The following KNTC1 variants were observed in gnomAD, a reference collection of about 807,000 sequenced individuals.
KNTC1 encodes the protein kinetochore associated 1.
A neutral mutation model predicts 314.4 loss-of-function variants in KNTC1; 253 were observed. That is an observed-to-expected ratio of 0.80 (90% CI 0.73 to 0.89). The LOEUF (loss-of-function observed/expected upper bound fraction) is 0.89, where lower values mean the gene tolerates loss of function less well. Among genes scored for constraint, KNTC1 ranks in the 40% least tolerant of loss-of-function variants. KNTC1 has a pLI of 0.00. For missense variants in KNTC1, 2,475 were observed against 2,572.9 expected, an observed-to-expected ratio of 0.96 and a Z score of 0.82; for synonymous variants, 901 against 901.4, an observed-to-expected ratio of 1.00 and a Z score of 0.01.
At position 122,604,628 on chromosome 12, in the gene KNTC1, C is replaced by T. The variant is rs1483322179; in HGVS notation, c.5166C>T (p.Ile1722=). The stretch of plus-strand genomic sequence containing the variant: ...TAGCTGAGAGATGGCTACAGAATAT[C>T]CCATCGCAGGTGTGTCTGAACTATC... ...LYLAERWLQN[I]PSQDEKREKA... The change falls in exon 49 of 64, where the codon ATC becomes ATT. Residue 1722 remains isoleucine (I), a synonymous_variant. Transcript: ENST00000333479. 5 of 1,596,382 alleles carry T rather than the reference C, an allele frequency of 3.1e-6. No individual in the cohort carries two copies. The highest frequency in any genetic ancestry group is 4.3e-6 in the Non-Finnish European group (5 of 1,164,382).
chr12:122,612,472 T>C (rs138054383), intron 53 of KNTC1, among the ~76,000 whole-genome samples: 1 of 148,304 alleles, frequency 6.7e-6, no homozygotes, highest in Non-Finnish European at 1.5e-5. Context: ...GTTGGAGTAG[T>C]GCAGTGGCGC....
At chr12:122,554,925 G>A (rs900610036) in intron 16 of KNTC1, among the ~76,000 whole-genome samples, 2 of 152,104 alleles carry the variant, frequency 1.3e-5, no homozygotes, top group Admixed American at 6.6e-5. Flanking sequence ...TGCGCCTGTA[G>A]TCCCAGCTAC....
rs370461444 is a variant in KNTC1 at position 122,534,739 on chromosome 12, T to C, written c.205T>C (p.Leu69=). 9.9e-6 allele frequency: 16 copies of C among 1,611,936 alleles called. No homozygotes were observed. Among genetic ancestry groups the C allele is most frequent in the East Asian group, 2.2e-5 (1 of 44,872 alleles). ...FIIVADQSVI[L]LDSICRSLQL... ...TATTGTAGCCGACCAATCAGTGATA[T>C]TGCTTGACAGTATTTGTAGATCACT... Residue 69 remains leucine (L), a synonymous_variant, in exon 3 of 64, where the codon TTG becomes CTG. Transcript: ENST00000333479.
At chr12:122,616,369 TCTC>T (rs879616112) in intron 57 of KNTC1, among the ~76,000 whole-genome samples, 3 of 152,024 alleles carry the variant, frequency 2.0e-5, no homozygotes, top group Non-Finnish European at 4.4e-5. Flanking sequence ...TTCACGCTAT[TCTC>T]CTGCCTCAGC....
At position 122,617,100 on chromosome 12, in the gene KNTC1, T is replaced by C. The variant is rs370007821; in HGVS notation, c.6031-1243T>C. Reference sequence around the variant, plus strand: ...TTCCATTATATGGATATACCACTTTTATTTATCCATTTGCCAGTTGATAAA... The same window carrying C: ...TTCCATTATATGGATATACCACTTTCATTTATCCATTTGCCAGTTGATAAA... On this transcript the variant is annotated intron_variant, in intron 57 of 63. Transcript: ENST00000333479. Among the ~76,000 whole-genome samples, 78 of 152,312 alleles carry C rather than the reference T, an allele frequency of 5.1e-4. 2 individuals carry two copies. The South Asian group carries it at 0.016, about 31-fold the overall frequency.
intron 30 of KNTC1, 126 bp downstream of exon 30, chr12:122,577,155 G>GGTCACGCTGGTCTCAA: frequency 1.6e-6 from 1 of 628,330 alleles, no homozygotes; most frequent in South Asian, 3.2e-5. Context: ...TCACCATGTT[G>GGTCACGCTGGTCTCAA]GTCACGCTGG....
chr12:122,577,610 A>T, intron 30 of KNTC1, 62 bp from the exon 31 acceptor site: 1 of 1,491,630 alleles, frequency 6.7e-7, no homozygotes, highest in Non-Finnish European at 9.0e-7. Context: ...AGAAAGAGGT[A>T]AGGCCACACC....
Position 122,582,743 on chromosome 12 carries a change from C to T in KNTC1, c.3021C>T (p.Ser1007=). Reference sequence around the variant, plus strand: ...TCTTTCTTTCATTTGAAGATTATAGCAATAGTTCCCTGGTAGCAGATCTCC... The same window carrying T: ...TCTTTCTTTCATTTGAAGATTATAGTAATAGTTCCCTGGTAGCAGATCTCC... ...FEVFLSFEDY[S]NSSLVADLRE... The change falls in exon 34 of 64, where the codon AGC becomes AGT. Residue 1007 remains serine (S), a synonymous_variant. Coordinates refer to ENST00000333479, the MANE Select transcript of KNTC1 (RefSeq NM_014708.6). The T allele has an allele frequency of 6.2e-7, 1 of 1,611,466 alleles. No individual in the cohort carries two copies. The highest frequency in any genetic ancestry group is 8.5e-7 in the Non-Finnish European group (1 of 1,179,212).
In KNTC1 at chr12:122,591,460, ATTC is replaced by A. The variant is rs746544267; in HGVS notation, c.4245+10_4245+12del. 7.3e-7 allele frequency: 1 copy of A among 1,370,846 alleles called. No individual in the cohort carries two copies. Among genetic ancestry groups the A allele is most frequent in the Non-Finnish European group, 1.0e-6 (1 of 962,114 alleles). The allele number at this position is 1,370,846 out of a possible 1,614,324, so 84.9% of individuals were successfully genotyped here. Reference sequence around the variant, plus strand: ...TCGTCTTGGTAAACTTGGTGTGAGTATTCTTTGTACTGCTGTCATCGATTCTGT... The same window carrying A: ...TCGTCTTGGTAAACTTGGTGTGAGTATTTGTACTGCTGTCATCGATTCTGT... On this transcript the variant is annotated splice_region_variant and intron_variant, in intron 42 of 63. Coordinates refer to ENST00000333479, the MANE Select transcript of KNTC1 (RefSeq NM_014708.6).
At position 122,569,825 on chromosome 12, in the gene KNTC1, G is replaced by A; in HGVS notation, c.1860+1G>A. ...AAGAAGGACTGTGCCTGAAGGACAGGTGAGTTGTCTTCAGTATTTCCACTC... is the reference window on the plus strand; with the variant it reads ...AAGAAGGACTGTGCCTGAAGGACAGATGAGTTGTCTTCAGTATTTCCACTC... On this transcript the variant is annotated splice_donor_variant, in intron 22 of 63. Transcript: ENST00000333479. LOFTEE classifies it high-confidence loss of function. 1 of 1,604,960 alleles carries A rather than the reference G, an allele frequency of 6.2e-7. No individual in the cohort carries two copies. The highest frequency in any genetic ancestry group is 1.1e-5 in the South Asian group (1 of 88,780).
chr12:122,609,291 A>G lies in KNTC1; in HGVS notation c.5497-93A>G. 16 of 774,032 alleles carry G rather than the reference A, an allele frequency of 2.1e-5. 1 individual carries two copies. The South Asian group carries it at 2.6e-4, about 13-fold the overall frequency. The allele number at this position is 774,032 out of a possible 1,614,324, so 47.9% of individuals were successfully genotyped here. On this transcript the variant is annotated intron_variant, in intron 51 of 63. Coordinates refer to ENST00000333479, the MANE Select transcript of KNTC1 (RefSeq NM_014708.6). The stretch of plus-strand genomic sequence containing the variant: ...CAATGTAAACATAATATCGTATATT[A>G]GGTTTTTTATCTAATAGATTTTCAG...
At position 122,614,894 on chromosome 12, in the gene KNTC1, G is replaced by A. The variant is rs1873601374; in HGVS notation, c.5878-97G>A. The A allele has an allele frequency of 8.5e-6, 6 of 706,398 alleles. No homozygotes were observed. In the South Asian group the frequency reaches 1.1e-4, roughly 13 times the overall value. 43.8% of individuals were successfully genotyped at this position (706,398 alleles called of 1,614,324 possible). A position where few individuals can be genotyped will look rare whatever the true frequency, so the allele number is the denominator to read the frequency against. ...AGACTCCATCTCAAAAAAAAAAAAA[G>A]CAGCATATTTTGTATTAAGCTGCCC... On this transcript the variant is annotated intron_variant, in intron 55 of 63. Coordinates refer to ENST00000333479, the MANE Select transcript of KNTC1 (RefSeq NM_014708.6).
At chr12:122,533,255 C>G (rs1961521780) in intron 2 of KNTC1, among the ~76,000 whole-genome samples, 1 of 151,812 alleles carries the variant, frequency 6.6e-6, no homozygotes, top group African/African-American at 2.4e-5. Flanking sequence ...CAACCTCTGC[C>G]TCTCGGGTTC....
intron 11 of KNTC1, 140 bp from the exon 12 acceptor site, chr12:122,547,775 T>A (rs1593510034): frequency 3.3e-6 from 2 of 609,984 alleles, no homozygotes; most frequent in East Asian, 5.8e-5. Flanking sequence ...TCTATTACAT[T>A]TTATTTTTTA....
chr12:122,584,822 T>C (rs1868995912), intron 35 of KNTC1, 71 bp from the exon 36 acceptor site: 1 of 803,058 alleles, frequency 1.2e-6, no homozygotes, highest in Admixed American at 2.6e-5. Context: ...ATGGTAATTA[T>C]TAAAAGGTTG....
In KNTC1 at chr12:122,601,527, T is replaced by G. The variant is rs897185860; in HGVS notation, c.4564-9T>G. On this transcript the variant is annotated splice_polypyrimidine_tract_variant and intron_variant, in intron 44 of 63. Transcript: ENST00000333479. ...TATCAAGTTTTGATATATTTTTGTTTTTATACAGTTGGATCCTTATGACTA... is the reference window on the plus strand; with the variant it reads ...TATCAAGTTTTGATATATTTTTGTTGTTATACAGTTGGATCCTTATGACTA... 1 of 1,520,400 alleles carries G rather than the reference T, an allele frequency of 6.6e-7. No individual in the cohort carries two copies. The highest frequency in any genetic ancestry group is 8.8e-7 in the Non-Finnish European group (1 of 1,137,696). 94.2% of individuals were successfully genotyped at this position (1,520,400 alleles called of 1,614,324 possible).
chr12:122,591,232 G>A lies in KNTC1; in HGVS notation c.4129-105G>A, dbSNP rs546727526. 2.3e-4 allele frequency: 173 copies of A among 739,674 alleles called. 1 individual carries two copies. The highest frequency in any genetic ancestry group is 3.5e-4 in the Non-Finnish European group (141 of 405,344). The allele number at this position is 739,674 out of a possible 1,614,324, so 45.8% of individuals were successfully genotyped here. A position where few individuals can be genotyped will look rare whatever the true frequency, so the allele number is the denominator to read the frequency against. ...CAAAATAATATGTAACATTCTACAC[G>A]GTTGATCACAAAGTTATGATTTTTA... On this transcript the variant is annotated intron_variant, in intron 41 of 63. Transcript: ENST00000333479.
chr12:122,528,304 G>A (rs1350151585), intron 1 of KNTC1, among the ~76,000 whole-genome samples: 1 of 152,084 alleles, frequency 6.6e-6, no homozygotes. Flanking sequence ...CTCCAAACAT[G>A]TTTTGTTTCT....
intron 45 of KNTC1, 172 bp downstream of exon 45, chr12:122,601,797 T>G (rs953459519): frequency 6.0e-6 from 4 of 666,606 alleles, no homozygotes; most frequent in Admixed American, 4.7e-5. Context: ...GAAAAAGATT[T>G]TCATGACATT....
Sources: gnomAD v4.1 joint callset for allele counts (sites outside exome capture counted in the v4.1 genomes callset) on GRCh38, gnomAD v4.1.1 for gene constraint, MANE v1.5 for transcripts, NCBI Gene and HGNC (gene_info 2026-07-23, HGNC 2026-07-21) for gene names.